The following CCDC192 variants were observed in gnomAD, a reference collection of about 807,000 sequenced individuals.
CCDC192 encodes the protein coiled-coil domain-containing protein 192.
intron 5 of CCDC192, among the ~76,000 whole-genome samples, chr5:127,809,626 A>G (rs1339272378): frequency 6.6e-6 from 1 of 152,214 alleles, no homozygotes; most frequent in Non-Finnish European, 1.5e-5. Flanking sequence ...CAAGGACATA[A>G]CATGTAAATA....
At chr5:127,859,702 C>T (rs112916787) in intron 5 of CCDC192, among the ~76,000 whole-genome samples, 7 of 152,120 alleles carry the variant, frequency 4.6e-5, no homozygotes, top group African/African-American at 7.2e-5. Context: ...TAGATTTTAT[C>T]GAAGATTCCC....
At chr5:127,939,884 C>T (rs1417907051) in intron 6 of CCDC192, among the ~76,000 whole-genome samples, 1 of 152,140 alleles carries the variant, frequency 6.6e-6, no homozygotes, top group Admixed American at 6.5e-5. Flanking sequence ...ACCGTGGAGA[C>T]CACGCATCAG....
chr5:127,813,294 AC>A (rs1758183499), intron 5 of CCDC192, among the ~76,000 whole-genome samples: 1 of 152,120 alleles, frequency 6.6e-6, no homozygotes, highest in South Asian at 2.1e-4. Context: ...CTCTAGAAGC[AC>A]CCTCAAGGAA....
At chr5:127,854,075 T>C (rs554900085) in intron 5 of CCDC192, among the ~76,000 whole-genome samples, 1 of 152,338 alleles carries the variant, frequency 6.6e-6, no homozygotes, top group South Asian at 2.1e-4. Flanking sequence ...CACACCCTTC[T>C]AGAAACACTA....
chr5:127,898,686 G>A (rs912398515), intron 6 of CCDC192, among the ~76,000 whole-genome samples: 6 of 152,130 alleles, frequency 3.9e-5, no homozygotes, highest in African/African-American at 1.4e-4. Context: ...GGACAAAGCA[G>A]CCTTCCAGGG....
At chr5:127,760,923 AATTTGT>A (rs1754885908) in intron 3 of CCDC192, among the ~76,000 whole-genome samples, 1 of 152,046 alleles carries the variant, frequency 6.6e-6, no homozygotes, top group Non-Finnish European at 1.5e-5. Context: ...AATTACCCGT[AATTTGT>A]ATTTGAAGAA....
rs370021997 is a variant in CCDC192, at chr5:127,749,923, G to T, written c.115-4345G>T. Among the ~76,000 whole-genome samples, 42 of 152,224 alleles carry T rather than the reference G, an allele frequency of 2.8e-4. No homozygotes were observed. The East Asian group carries it at 7.7e-3, about 28-fold the overall frequency. Reference sequence around the variant, plus strand: ...CGTAGAGGTGTTTATAGTATTCTCTGATGGTAGTTTGTATTTCTGTGGGAT... The same window carrying T: ...CGTAGAGGTGTTTATAGTATTCTCTTATGGTAGTTTGTATTTCTGTGGGAT... On this transcript the variant is annotated intron_variant, in intron 2 of 6. Coordinates refer to ENST00000514853, the MANE Select transcript of CCDC192 (RefSeq NM_001317938.2).
At chr5:127,840,144 C>G (rs1431463270) in intron 5 of CCDC192, among the ~76,000 whole-genome samples, 1 of 152,114 alleles carries the variant, frequency 6.6e-6, no homozygotes, top group Non-Finnish European at 1.5e-5. Flanking sequence ...GCCAGAGTCC[C>G]CTACCCTTGC....
chr5:127,897,884 T>A (rs1752936759), intron 6 of CCDC192, among the ~76,000 whole-genome samples: 1 of 152,206 alleles, frequency 6.6e-6, no homozygotes, highest in Non-Finnish European at 1.5e-5. Flanking sequence ...AAGTAATTAA[T>A]TGACCTGATT....
At position 127,703,499 on chromosome 5, in the gene CCDC192, G is replaced by T. The variant is rs1580497426; in HGVS notation, c.54G>T (p.Glu18Asp). Residue 18 changes from glutamate (E) to aspartate (D), a missense_variant, in exon 1 of 7, where the codon GAG becomes GAT. Transcript: ENST00000514853. ...KSVVPESDTSERSSMTSGSSE... is the reference protein window; with the variant it reads ...KSVVPESDTSDRSSMTSGSSE... ...TGGTCCCAGAGTCTGACACCTCAGA[G>T]AGAAGCAGGTGAGTTCCCAGCTCCT... is the stretch of plus-strand genomic sequence containing the variant. The T allele has an allele frequency of 2.5e-6, 1 of 398,986 alleles. No homozygotes were observed. The highest frequency in any genetic ancestry group is 6.3e-4 in the Middle Eastern group (1 of 1,588). 24.7% of individuals were successfully genotyped at this position (398,986 alleles called of 1,614,324 possible).
In CCDC192 at chr5:127,792,172, A is replaced by G. The variant is rs150778671; in HGVS notation, c.223-4931A>G. 4.5e-3 allele frequency among the ~76,000 whole-genome samples: 682 copies of G among 152,304 alleles called. 3 individuals are homozygous for G. Among genetic ancestry groups the G allele is most frequent in the Non-Finnish European group, 7.5e-3 (512 of 68,026 alleles). The stretch of plus-strand genomic sequence containing the variant: ...ATTAGTCCATTCTCACACTGCTAAT[A>G]AAGACATACCTGAGACTGGGTAATT... On this transcript the variant is annotated intron_variant, in intron 3 of 6. Coordinates refer to ENST00000514853, the MANE Select transcript of CCDC192 (RefSeq NM_001317938.2).
At chr5:127,728,414 T>A (rs1752455997) in intron 2 of CCDC192, among the ~76,000 whole-genome samples, 1 of 152,156 alleles carries the variant, frequency 6.6e-6, no homozygotes, top group African/African-American at 2.4e-5. Context: ...AGAAAAGAAT[T>A]TCCAAACTAG....
chr5:127,724,163 C>G (rs1192789589), intron 2 of CCDC192, among the ~76,000 whole-genome samples: 1 of 152,056 alleles, frequency 6.6e-6, no homozygotes, highest in African/African-American at 2.4e-5. Flanking sequence ...AGAAGTATTT[C>G]CAAATACTCA....
chr5:127,912,027 T>C (rs13356360), intron 6 of CCDC192, among the ~76,000 whole-genome samples: 4,285 of 151,824 alleles, frequency 0.028, 105 homozygotes, highest in Non-Finnish European at 0.038. Context: ...GTTCAAGCAG[T>C]TCTCCTGCCT....
At chr5:127,738,256 G>GC in intron 2 of CCDC192, among the ~76,000 whole-genome samples, 2 of 145,354 alleles carry the variant, frequency 1.4e-5, no homozygotes, top group Middle Eastern at 3.2e-3. Context: ...TTGAATATTG[G>GC]CCCCCACTCT....
rs112828241 is a variant in CCDC192 at position 127,882,913 on chromosome 5, A to T, written c.535+7252A>T. Among the ~76,000 whole-genome samples the T allele has an allele frequency of 5.0e-3, 762 of 152,278 alleles. 9 individuals are homozygous for T. The highest frequency in any genetic ancestry group is 0.018 in the African/African-American group (743 of 41,576). On this transcript the variant is annotated intron_variant, in intron 6 of 6. Coordinates refer to ENST00000514853, the MANE Select transcript of CCDC192 (RefSeq NM_001317938.2). The stretch of plus-strand genomic sequence containing the variant: ...CTGTTATTCCCCAGACTAGCAACCA[A>T]TTATTTGACCAAGAGTTCTACAGGT...
intron 5 of CCDC192, among the ~76,000 whole-genome samples, chr5:127,847,714 C>T (rs1750619639): frequency 6.6e-6 from 1 of 151,812 alleles, no homozygotes; most frequent in Non-Finnish European, 1.5e-5. Flanking sequence ...CCCAGCTACT[C>T]AGAAGGCTGA....
At chr5:127,807,763 A>G (rs574478566) in intron 5 of CCDC192, among the ~76,000 whole-genome samples, 30 of 152,176 alleles carry the variant, frequency 2.0e-4, no homozygotes, top group Non-Finnish European at 3.2e-4. Flanking sequence ...TTTGAGCTCA[A>G]TGCTTAGCTT....
At chr5:127,806,644 C>T (rs900257743) in intron 5 of CCDC192, among the ~76,000 whole-genome samples, 1 of 151,698 alleles carries the variant, frequency 6.6e-6, no homozygotes, top group Non-Finnish European at 1.5e-5. Context: ...AGTTACAATC[C>T]CTATTTACTT....
Sources: gnomAD v4.1 joint callset for allele counts (sites outside exome capture counted in the v4.1 genomes callset) on GRCh38, gnomAD v4.1.1 for gene constraint, MANE v1.5 for transcripts, NCBI Gene and HGNC (gene_info 2026-07-23, HGNC 2026-07-21) for gene names.